RC3H2: variants seen among roughly 807,000 people sequenced by gnomAD.
RC3H2 encodes ring finger and CCCH-type domains 2.
RC3H2 carries 31 observed loss-of-function variants against 133.3 expected under a neutral mutation model. The ratio of observed to expected loss-of-function variants is 0.23; its 90% confidence interval spans 0.17 to 0.31. The LOEUF (loss-of-function observed/expected upper bound fraction) is 0.31. RC3H2 is among the 10% of genes least tolerant of loss of function. RC3H2 has a pLI of 1.00. For synonymous variants in RC3H2, 517 were observed against 502.2 expected, an observed-to-expected ratio of 1.03 and a Z score of -0.40; for missense variants, 1,175 against 1,437.2, an observed-to-expected ratio of 0.82 and a Z score of 2.95.
chr9:122,864,266 G>C (rs914896960), intron 10 of RC3H2, among the ~76,000 whole-genome samples: 1 of 152,074 alleles, frequency 6.6e-6, no homozygotes, highest in African/African-American at 2.4e-5. Flanking sequence ...CAAGATTTTA[G>C]AGTTGGAAAC....
chr9:122,893,385 T>C (rs1832269696), intron 2 of RC3H2, among the ~76,000 whole-genome samples: 1 of 152,110 alleles, frequency 6.6e-6, no homozygotes, highest in Non-Finnish European at 1.5e-5. Flanking sequence ...TTCTAGCTAC[T>C]CAGGAGGCTG....
At chr9:122,862,102 A>C (rs1830476964) in intron 10 of RC3H2, among the ~76,000 whole-genome samples, 1 of 152,214 alleles carries the variant, frequency 6.6e-6, no homozygotes, top group Non-Finnish European at 1.5e-5. Flanking sequence ...GAAATGGTAA[A>C]CTCATAGACT....
Position 122,846,343 on chromosome 9 carries a change from T to C in RC3H2, c.*3284A>G, listed in dbSNP as rs539717294. On this transcript the variant is annotated 3_prime_UTR_variant, in exon 21 of 21. Transcript: ENST00000357244. ...GTGCCACTGGCCTAATGAACTCCCT[T>C]TTTTTTGAAAATTACAATGCACAAC... The C allele has an allele frequency of 5.3e-5, 8 of 152,314 alleles. No homozygotes were observed. In the East Asian group the frequency reaches 1.5e-3, roughly 29 times the overall value. 9.4% of individuals were successfully genotyped at this position (152,314 alleles called of 1,614,324 possible). A position where few individuals can be genotyped will look rare whatever the true frequency, so the allele number is the denominator to read the frequency against.
At chr9:122,893,949 T>C (rs1832304896) in intron 2 of RC3H2, among the ~76,000 whole-genome samples, 1 of 152,082 alleles carries the variant, frequency 6.6e-6, no homozygotes, top group African/African-American at 2.4e-5. Context: ...AAATCTGTAT[T>C]TTGTAGTGCC....
At chr9:122,872,601 CT>C (rs1041792677) in intron 9 of RC3H2, among the ~76,000 whole-genome samples, 7 of 150,350 alleles carry the variant, frequency 4.7e-5, no homozygotes, top group Admixed American at 6.6e-5. Context: ...TCTTTTATAA[CT>C]TTTTTTTTTG....
chr9:122,854,989 T>A (rs1339808490), intron 15 of RC3H2, among the ~76,000 whole-genome samples, 195 bp downstream of exon 15: 1 of 151,820 alleles, frequency 6.6e-6, no homozygotes, highest in East Asian at 1.9e-4. Flanking sequence ...GTGGTGCATG[T>A]CTATAATCCC....
At chr9:122,882,444 A>G (rs1326711075) in intron 5 of RC3H2, among the ~76,000 whole-genome samples, 2 of 152,248 alleles carry the variant, frequency 1.3e-5, no homozygotes, top group Non-Finnish European at 2.9e-5. Flanking sequence ...TGGGGGCTAT[A>G]AAACCAACAA....
In RC3H2 at chr9:122,854,164, T is replaced by C. The variant is rs1830157677; in HGVS notation, c.2982+21A>G. The C allele has an allele frequency of 2.5e-6, 4 of 1,612,386 alleles. No individual in the cohort carries two copies. The South Asian group carries it at 4.4e-5, about 18-fold the overall frequency. On this transcript the variant is annotated intron_variant, in intron 17 of 20. Transcript: ENST00000357244. ...TGTCATTCTATTTCTCAAAAATTTA[T>C]AGCTGAGTTACAGAGCCTACCTGCT...
chr9:122,855,924 T>G (rs1485546524), intron 13 of RC3H2, 46 bp from the exon 14 acceptor site: 1 of 1,503,938 alleles, frequency 6.6e-7, no homozygotes, highest in Non-Finnish European at 9.1e-7. Flanking sequence ...GAAGCTTAAA[T>G]TTACAAGCTT....
chr9:122,854,324 AG>A lies in RC3H2; in HGVS notation c.2901-59del, dbSNP rs762015176. On this transcript the variant is annotated intron_variant, in intron 16 of 20. Transcript: ENST00000357244. ...GTGAAGTGAATGAAGCAACAAAAGC[AG>A]TAATAACCATATGTTTTATGTGACA... 1.0e-4 allele frequency: 142 copies of A among 1,412,286 alleles called. 1 individual carries two copies. The South Asian group carries it at 1.1e-3, about 11-fold the overall frequency. 87.5% of individuals were successfully genotyped at this position (1,412,286 alleles called of 1,614,324 possible).
intron 9 of RC3H2, among the ~76,000 whole-genome samples, chr9:122,870,760 C>T (rs1314831372): frequency 6.6e-6 from 1 of 152,174 alleles, no homozygotes; most frequent in Non-Finnish European, 1.5e-5. Context: ...TTAGAATCCA[C>T]TATCTACCAT....
chr9:122,869,226 G>C (rs978153283), intron 9 of RC3H2, among the ~76,000 whole-genome samples: 1 of 151,946 alleles, frequency 6.6e-6, no homozygotes, highest in Non-Finnish European at 1.5e-5. Context: ...TTTTAAAGCG[G>C]TGAAAAATTA....
intron 1 of RC3H2, among the ~76,000 whole-genome samples, chr9:122,901,173 C>G (rs1397013652): frequency 6.6e-6 from 1 of 152,140 alleles, no homozygotes; most frequent in East Asian, 1.9e-4. Context: ...TTACAATTCT[C>G]TTAATAAAAA....
chr9:122,890,908 T>C (rs1431141652), intron 3 of RC3H2, among the ~76,000 whole-genome samples: 2 of 152,128 alleles, frequency 1.3e-5, no homozygotes, highest in Non-Finnish European at 2.9e-5. Flanking sequence ...CCTCTTTACT[T>C]GAACATTTCC....
At chr9:122,867,408 T>TG (rs1349842434) in intron 9 of RC3H2, among the ~76,000 whole-genome samples, 1 of 71,426 alleles carries the variant, frequency 1.4e-5, no homozygotes, top group Non-Finnish European at 3.0e-5. Context: ...GGAGGGAGGT[T>TG]GGGGGGTCAG....
At position 122,858,862 on chromosome 9, in the gene RC3H2, C is replaced by T; in HGVS notation, c.2090G>A (p.Ser697Asn). 6.2e-7 allele frequency: 1 copy of T among 1,614,256 alleles called. No individual in the cohort carries two copies. Among genetic ancestry groups the T allele is most frequent in the South Asian group, 1.1e-5 (1 of 91,086 alleles). Reference sequence around the variant, plus strand: ...CATAGGTGGGCGCCAGATGCGCCTGCTGTCGTACACAGGAGCATACATTCC... The same window carrying T: ...CATAGGTGGGCGCCAGATGCGCCTGTTGTCGTACACAGGAGCATACATTCC... ...PSGMYAPVYDSRRIWRPPMYQ... is the reference protein window; with the variant it reads ...PSGMYAPVYDNRRIWRPPMYQ... The change falls in exon 12 of 21, where the codon AGC (serine) becomes AAC (asparagine). Residue 697 changes from serine (S) to asparagine (N), a missense_variant. Ser to Asn is a conservative substitution (Grantham distance 46). Around this residue, in one of 8 missense-constraint regions of RC3H2, gnomAD observed 490 missense variants for 492.8 expected, o/e 0.99. Coordinates refer to ENST00000357244, the MANE Select transcript of RC3H2 (RefSeq NM_001100588.3).
At chr9:122,884,002 C>T (rs2539929) in intron 4 of RC3H2, among the ~76,000 whole-genome samples, 147,347 of 152,164 alleles carry the variant, frequency 0.97, 71,524 homozygotes, top group East Asian at 1. Flanking sequence ...CAAACAAATA[C>T]ATAAAAATTA....
intron 4 of RC3H2, among the ~76,000 whole-genome samples, chr9:122,888,000 C>G (rs897424113): frequency 6.6e-6 from 1 of 152,112 alleles, no homozygotes; most frequent in Non-Finnish European, 1.5e-5. Flanking sequence ...CCGCCTCGGC[C>G]TCCCAAAGTG....
chr9:122,875,285 T>G lies in RC3H2; in HGVS notation c.1325+2186A>C, dbSNP rs138283522. 2.6e-6 allele frequency: 4 copies of G among 1,550,694 alleles called. No homozygotes were observed. The East Asian group carries it at 9.8e-5, about 38-fold the overall frequency. On this transcript the variant is annotated intron_variant, in intron 9 of 20. Transcript: ENST00000357244. ...CTTCTCTCTATCACAATGCTGCTGC[T>G]TGTAGAGCTCATTATGTACAGTGCC...
Sources: allele counts gnomAD v4.1 joint callset (sites outside exome capture counted in the v4.1 genomes callset), GRCh38; gene constraint gnomAD v4.1.1; regional missense constraint gnomAD v4.1.1; transcripts MANE v1.5; gene names NCBI Gene and HGNC (gene_info 2026-07-23, HGNC 2026-07-21).